Variants in KIF13A observed in about 807,000 individuals in gnomAD.
The protein encoded by KIF13A is kinesin-like protein KIF13A.
KIF13A carries 79 observed loss-of-function variants against 212.2 expected under a neutral mutation model. The ratio of observed to expected loss-of-function variants is 0.37; its 90% CI spans 0.31 to 0.45. The LOEUF (loss-of-function observed/expected upper bound fraction) is 0.45, where lower values mean the gene tolerates loss of function less well. KIF13A is among the 20% of genes least tolerant of loss of function. The pLI is 1.00. For missense variants in KIF13A, 1,901 were observed against 2,209.0 expected (o/e 0.86, Z 2.79); for synonymous variants, 789 against 808.6 (o/e 0.98, Z 0.41).
At chr6:17,970,751 G>A (rs1779745061) in intron 2 of KIF13A, among the ~76,000 whole-genome samples, 1 of 152,152 alleles carries the variant, frequency 6.6e-6, no homozygotes, top group Admixed American at 6.5e-5. Flanking sequence ...GGCTCAGATA[G>A]GAGTACTGAA....
At position 17,951,083 on chromosome 6, in the gene KIF13A, T is replaced by C. The variant is rs967061706; in HGVS notation, c.146+35971A>G. On this transcript the variant is annotated intron_variant, in intron 2 of 38. Transcript: ENST00000259711. This position sits in a 1 kb window ranked among gnomAD's most constrained non-coding sequence, Gnocchi z 4.9. ...AAGGACACCTAAGGAATTGTACTTA[T>C]TATATATAACACTTTGCCAACCATC... 3.6e-6 allele frequency: 4 copies of C among 1,099,824 alleles called. No individual in the cohort carries two copies. The highest frequency in any genetic ancestry group is 3.3e-5 in the African/African-American group (2 of 61,368). 68.1% of individuals were successfully genotyped at this position (1,099,824 alleles called of 1,614,324 possible).
In KIF13A at chr6:17,896,937, T is replaced by C. The variant is rs193052383; in HGVS notation, c.159+1231A>G. Among the ~76,000 whole-genome samples, 10 of 152,352 alleles carry C rather than the reference T, an allele frequency of 6.6e-5. No homozygotes were observed. In the East Asian group the frequency reaches 1.2e-3, roughly 18 times the overall value. On this transcript the variant is annotated intron_variant, in intron 3 of 38. Transcript: ENST00000259711. ...GTAAAAGCTAGATAAACGGCACTTA[T>C]ACATTCCAGTAGAGACCAGTTTTAG...
chr6:17,790,296 T>C (rs1489589046), intron 25 of KIF13A, among the ~76,000 whole-genome samples: 1 of 152,082 alleles, frequency 6.6e-6, no homozygotes, highest in East Asian at 1.9e-4. Context: ...TCCCAGCTAC[T>C]TGGGAGACTA....
chr6:17,762,245 C>T (rs1184629814), downstream of KIF13A, among the ~76,000 whole-genome samples: 3 of 146,700 alleles, frequency 2.0e-5, no homozygotes, highest in African/African-American at 7.5e-5. Context: ...CGGAGTCTTG[C>T]TCTGTTGCCC....
rs1761337543 is a variant in KIF13A, at chr6:17,789,381, T to C, written c.3261+491A>G. Among the ~76,000 whole-genome samples, 1 of 152,222 alleles carries C rather than the reference T, an allele frequency of 6.6e-6. No homozygotes were observed. The highest frequency in any genetic ancestry group is 1.5e-5 in the Non-Finnish European group (1 of 68,046). On this transcript the variant is annotated intron_variant, in intron 26 of 38. Transcript: ENST00000259711. The surrounding 1 kb of genome is among the most constrained non-coding windows in gnomAD (Gnocchi z 4.8). The stretch of plus-strand genomic sequence containing the variant: ...CCAATTTTCCTATTCAGCAAAAGTC[T>C]TGTAAAGTAAAATGGCATATTACAA...
chr6:17,902,992 G>C (rs949782004), intron 2 of KIF13A, among the ~76,000 whole-genome samples: 4 of 152,058 alleles, frequency 2.6e-5, no homozygotes, highest in Non-Finnish European at 5.9e-5. Flanking sequence ...TACAATTTTG[G>C]GGCAAGACTG....
chr6:17,866,826 CGCATATATAT>C (rs1481660127), intron 4 of KIF13A, among the ~76,000 whole-genome samples: 1,841 of 121,924 alleles, frequency 0.015, 85 homozygotes, highest in Admixed American at 0.026. Flanking sequence ...AAAAAAGCAG[CGCATATATAT>C]ATATATATAT....
Position 17,850,329 on chromosome 6 carries a change from C to A in KIF13A, c.711G>T (p.Gln237His), listed in dbSNP as rs777468774. ...IIITQTLYDL[Q>H]SGNSGEKVSK... is the part of the protein sequence containing the mutation. ...GTTCTGCCTAATCCCTTACCCCAGA[C>A]TGCAGGTCATAAAGTGTCTGTGTGA... The change falls in exon 8 of 39, where the codon CAG becomes CAT. Residue 237 changes from glutamine (Q) to histidine (H), a missense_variant. Transcript: ENST00000259711. This position sits in a 1 kb window ranked among gnomAD's most constrained non-coding sequence, Gnocchi z 6.2. 1.2e-6 allele frequency: 2 copies of A among 1,612,850 alleles called. No individual in the cohort carries two copies. The highest frequency in any genetic ancestry group is 1.3e-5 in the African/African-American group (1 of 74,886).
At position 17,918,197 on chromosome 6, in the gene KIF13A, C is replaced by T. The variant is rs1774721646; in HGVS notation, c.147-20017G>A. On this transcript the variant is annotated intron_variant, in intron 2 of 38. Coordinates refer to ENST00000259711, the MANE Select transcript of KIF13A (RefSeq NM_022113.6). This position sits in a 1 kb window ranked among gnomAD's most constrained non-coding sequence, Gnocchi z 4.8. ...CTAGAGACACCCATCTCGTTCCAAG[C>T]AGAGGCCGGGTCACACTCACCCTGG... 6.6e-6 allele frequency among the ~76,000 whole-genome samples: 1 copy of T among 151,990 alleles called. No individual in the cohort carries two copies. The highest frequency in any genetic ancestry group is 6.6e-5 in the Admixed American group (1 of 15,264).
At chr6:17,885,719 C>A (rs1561720488) in intron 3 of KIF13A, among the ~76,000 whole-genome samples, 1 of 152,214 alleles carries the variant, frequency 6.6e-6, no homozygotes, top group Non-Finnish European at 1.5e-5. Context: ...AAACCCAGAC[C>A]AATATTATAA....
chr6:17,964,289 T>C (rs1779110155), intron 2 of KIF13A, among the ~76,000 whole-genome samples: 1 of 152,164 alleles, frequency 6.6e-6, no homozygotes, highest in African/African-American at 2.4e-5. Flanking sequence ...ACAAACACCC[T>C]TGAAAAATAT....
At chr6:17,927,645 T>C (rs1775603935) in intron 2 of KIF13A, among the ~76,000 whole-genome samples, 1 of 152,222 alleles carries the variant, frequency 6.6e-6, no homozygotes, top group Admixed American at 6.5e-5. Context: ...ATTGTACACT[T>C]TTAAACGGCT....
intron 2 of KIF13A, among the ~76,000 whole-genome samples, chr6:17,931,379 A>G (rs563291034): frequency 6.6e-6 from 1 of 152,322 alleles, no homozygotes; most frequent in Non-Finnish European, 1.5e-5. Context: ...GGCATAAAAG[A>G]ATCAATTCTA....
chr6:17,891,075 C>T (rs1772012296), intron 3 of KIF13A, among the ~76,000 whole-genome samples: 1 of 152,116 alleles, frequency 6.6e-6, no homozygotes, highest in East Asian at 1.9e-4. Flanking sequence ...TGAGACAAAG[C>T]CTCTTTTTTC....
chr6:17,987,316 C>A lies in KIF13A; in HGVS notation c.55+93G>T. 9.8e-7 allele frequency: 1 copy of A among 1,018,138 alleles called. No homozygotes were observed. Among genetic ancestry groups the A allele is most frequent in the Non-Finnish European group, 1.3e-6 (1 of 780,430 alleles). 63.1% of individuals were successfully genotyped at this position (1,018,138 alleles called of 1,614,324 possible). A position where few individuals can be genotyped will look rare whatever the true frequency, so the allele number is the denominator to read the frequency against. ...CGCCTCCGCCCCGGCCCCCCGGCCCCGGCCGCGCTCTCGCCGTCCCGGCCC... is the reference window on the plus strand; with the variant it reads ...CGCCTCCGCCCCGGCCCCCCGGCCCAGGCCGCGCTCTCGCCGTCCCGGCCC... On this transcript the variant is annotated intron_variant, in intron 1 of 38. Transcript: ENST00000259711. The surrounding 1 kb of genome is among the most constrained non-coding windows in gnomAD (Gnocchi z 7.7).
chr6:17,796,594 G>A, intron 23 of KIF13A, 75 bp downstream of exon 23: 1 of 989,566 alleles, frequency 1.0e-6, no homozygotes, highest in South Asian at 3.9e-5. Flanking sequence ...AGCCTCCTAG[G>A]CCAGAGTAGG....
At chr6:17,933,258 C>G (rs1482737178) in intron 2 of KIF13A, among the ~76,000 whole-genome samples, 1 of 152,116 alleles carries the variant, frequency 6.6e-6, no homozygotes, top group Non-Finnish European at 1.5e-5. Flanking sequence ...GGCAATCTCT[C>G]CTCTTAACCA....
chr6:17,984,125 G>A lies in KIF13A; in HGVS notation c.146+2929C>T, dbSNP rs1402307166. Among the ~76,000 whole-genome samples, 1 of 152,114 alleles carries A rather than the reference G, an allele frequency of 6.6e-6. No homozygotes were observed. Among genetic ancestry groups the A allele is most frequent in the Non-Finnish European group, 1.5e-5 (1 of 68,032 alleles). ...CCTTCAAGCAGTTCACAGCCTCCAG[G>A]GAGAGAAAGAGGAAACAGAGAATTT... On this transcript the variant is annotated intron_variant, in intron 2 of 38. Coordinates refer to ENST00000259711, the MANE Select transcript of KIF13A (RefSeq NM_022113.6). This position sits in a 1 kb window ranked among gnomAD's most constrained non-coding sequence, Gnocchi z 5.0.
chr6:17,888,340 A>C lies in KIF13A; in HGVS notation c.159+9828T>G, dbSNP rs1219396696. On this transcript the variant is annotated intron_variant, in intron 3 of 38. Coordinates refer to ENST00000259711, the MANE Select transcript of KIF13A (RefSeq NM_022113.6). The surrounding 1 kb of genome is among the most constrained non-coding windows in gnomAD (Gnocchi z 4.8). ...GCAGCTGCAACACTCCTGGACCCAG[A>C]TATAAAAGTAAAAATGTAAAAGATC... Among the ~76,000 whole-genome samples, 1 of 152,134 alleles carries C rather than the reference A, an allele frequency of 6.6e-6. No individual in the cohort carries two copies.
Sources: allele counts gnomAD v4.1 joint callset (sites outside exome capture counted in the v4.1 genomes callset), GRCh38; gene constraint gnomAD v4.1.1; non-coding constraint Gnocchi (gnomAD v3.1); transcripts MANE v1.5; gene names NCBI Gene and HGNC (gene_info 2026-07-23, HGNC 2026-07-21).